ULK2: variants seen among roughly 807,000 people sequenced by gnomAD.
ULK2 encodes the protein unc-51 like autophagy activating kinase 2.
A neutral mutation model predicts 127.5 loss-of-function variants in ULK2; 76 were observed. The observed-to-expected ratio is 0.60, with a 90% CI of 0.50 to 0.72. ULK2 has a LOEUF of 0.72. ULK2 is among the 30% of genes least tolerant of loss of function. ULK2 has a pLI of 0.00. For synonymous variants in ULK2, 452 were observed against 461.9 expected (o/e 0.98, Z 0.28); for missense variants, 1,144 against 1,295.9 (o/e 0.88, Z 1.80).
intron 25 of ULK2, among the ~76,000 whole-genome samples, chr17:19,779,283 C>T (rs1178173751): frequency 1.3e-5 from 2 of 152,068 alleles, no homozygotes; most frequent in Non-Finnish European, 2.9e-5. Context: ...ATAATCCCAG[C>T]ACTTTGGGAG....
intron 13 of ULK2, 35 bp downstream of exon 13, chr17:19,816,714 G>C: frequency 6.7e-7 from 1 of 1,493,056 alleles, no homozygotes. Flanking sequence ...AGTAGATTAA[G>C]AAATACAATG....
At chr17:19,822,022 T>A (rs1195563827) in intron 12 of ULK2, among the ~76,000 whole-genome samples, 5 of 149,240 alleles carry the variant, frequency 3.4e-5, no homozygotes, top group Non-Finnish European at 5.9e-5. Flanking sequence ...TGAGAGAAAG[T>A]CACAAAGTCT....
rs571920214 is a variant in ULK2 at position 19,867,471 on chromosome 17, G to A, written c.-54C>T. On this transcript the variant is annotated 5_prime_UTR_variant, in exon 1 of 27. Transcript: ENST00000395544. Reference sequence around the variant, plus strand: ...GGGCGGGCGGCGCAGTGCGGCGCAGGTATCAGCACCGCGGCTCCGCGGGCC... The same window carrying A: ...GGGCGGGCGGCGCAGTGCGGCGCAGATATCAGCACCGCGGCTCCGCGGGCC... The A allele has an allele frequency of 1.3e-5, 19 of 1,449,816 alleles. No homozygotes were observed. Among genetic ancestry groups the A allele is most frequent in the Middle Eastern group, 1.8e-4 (1 of 5,638 alleles). 89.8% of individuals were successfully genotyped at this position (1,449,816 alleles called of 1,614,324 possible).
rs1038601689 is a variant in ULK2 at position 19,846,731 on chromosome 17, A to G, written c.469+6T>C. Reference sequence around the variant, plus strand: ...CCTTTCCATGACACAATACATGGCCATTTACCTATTTTGATGCGAATACCA... The same window carrying G: ...CCTTTCCATGACACAATACATGGCCGTTTACCTATTTTGATGCGAATACCA... On this transcript the variant is annotated splice_donor_region_variant and intron_variant, in intron 6 of 26. Coordinates refer to ENST00000395544, the MANE Select transcript of ULK2 (RefSeq NM_014683.4). 1 of 1,597,344 alleles carries G rather than the reference A, an allele frequency of 6.3e-7. No individual in the cohort carries two copies. The highest frequency in any genetic ancestry group is 8.5e-7 in the Non-Finnish European group (1 of 1,171,976).
rs199643904 is a variant in ULK2 at position 19,797,506 on chromosome 17, G to A, written c.1699C>T (p.Arg567Trp). Residue 567 changes from arginine (R) to tryptophan (W), a missense_variant, in exon 18 of 27, where the codon CGG becomes TGG. By Grantham distance (101) the Arg-to-Trp change is moderately radical. This residue lies in a region of ULK2 where 913 missense variants were observed against 970.5 expected (regional missense o/e 0.94). Coordinates refer to ENST00000395544, the MANE Select transcript of ULK2 (RefSeq NM_014683.4). ...AGYSYSPQPS[R>W]PGSLGTSPTK... ...GGAGAAGTTCCAAGGCTGCCAGGCC[G>A]ACTGGGCTGAGGCGAGTAGCTGTAC... 2.3e-5 allele frequency: 37 copies of A among 1,613,922 alleles called. No homozygotes were observed. Among genetic ancestry groups the A allele is most frequent in the African/African-American group, 1.1e-4 (8 of 74,988 alleles).
At chr17:19,789,019 C>T (rs1402687122) in intron 20 of ULK2, among the ~76,000 whole-genome samples, 1 of 152,210 alleles carries the variant, frequency 6.6e-6, no homozygotes, top group Non-Finnish European at 1.5e-5. Flanking sequence ...GTACTTGTTG[C>T]CCTGAAAGGA....
chr17:19,810,257 A>C lies in ULK2; in HGVS notation c.1157+121T>G, dbSNP rs1047135153. 4.9e-5 allele frequency: 20 copies of C among 406,234 alleles called. 1 individual carries two copies. Among genetic ancestry groups the C allele is most frequent in the Middle Eastern group, 6.6e-4 (1 of 1,524 alleles). The allele number at this position is 406,234 out of a possible 1,614,324, so 25.2% of individuals were successfully genotyped here. Reference sequence around the variant, plus strand: ...AAAAAAAAAAAAAAAAAAAAAAAAAACCAGAAATAATGGACTGTAAAACAA... The same window carrying C: ...AAAAAAAAAAAAAAAAAAAAAAAAACCCAGAAATAATGGACTGTAAAACAA... On this transcript the variant is annotated intron_variant, in intron 14 of 26. Coordinates refer to ENST00000395544, the MANE Select transcript of ULK2 (RefSeq NM_014683.4).
chr17:19,791,339 C>A (rs2087148088), intron 20 of ULK2, among the ~76,000 whole-genome samples: 1 of 151,950 alleles, frequency 6.6e-6, no homozygotes, highest in South Asian at 2.1e-4. Context: ...CACTTGAGGC[C>A]AGGAGTTCGA....
chr17:19,786,989 T>C (rs2087047132), intron 20 of ULK2, among the ~76,000 whole-genome samples: 1 of 140,890 alleles, frequency 7.1e-6, no homozygotes, highest in Non-Finnish European at 1.5e-5. Context: ...AGAAATGTAA[T>C]GTTCATTTAT....
Position 19,776,411 on chromosome 17 carries a change from GAAATA to G in ULK2, c.3053-9_3053-5del, listed in dbSNP as rs1296028303. On this transcript the variant is annotated splice_polypyrimidine_tract_variant and splice_region_variant and intron_variant, in intron 26 of 26. Transcript: ENST00000395544. ...CTTCTCTCAATACTACATTTATCTA[GAAATA>G]AAATAACAAAAATGAAGAACTAATG... is the stretch of plus-strand genomic sequence containing the variant. 1.3e-6 allele frequency: 2 copies of G among 1,584,916 alleles called. No individual in the cohort carries two copies. The highest frequency in any genetic ancestry group is 1.4e-5 in the African/African-American group (1 of 73,870).
At chr17:19,776,461 C>A in intron 26 of ULK2, 54 bp from the exon 27 acceptor site, 2 of 1,429,562 alleles carry the variant, frequency 1.4e-6, no homozygotes, top group South Asian at 2.6e-5. Flanking sequence ...ACTATATTGT[C>A]ATCTCTATTC....
chr17:19,831,027 T>A (rs1468564384), intron 10 of ULK2, among the ~76,000 whole-genome samples: 13 of 136,902 alleles, frequency 9.5e-5, no homozygotes, highest in East Asian at 2.2e-4. Flanking sequence ...ACTCCGTCGC[T>A]AAAAAAAAAA....
intron 16 of ULK2, 134 bp from the exon 17 acceptor site, chr17:19,799,709 T>C: frequency 1.3e-6 from 1 of 759,782 alleles, no homozygotes; most frequent in Non-Finnish European, 2.0e-6. Context: ...AACAAACGTT[T>C]AGTTCAACTA....
chr17:19,825,228 C>T (rs1171093088), intron 11 of ULK2, 46 bp from the exon 12 acceptor site: 1 of 1,542,464 alleles, frequency 6.5e-7, no homozygotes, highest in Non-Finnish European at 8.9e-7. Flanking sequence ...GTAGTGCAGT[C>T]ACATGACCTG....
At position 19,834,691 on chromosome 17, in the gene ULK2, C is replaced by T. The variant is rs571623353; in HGVS notation, c.787+3810G>A. 3.9e-5 allele frequency among the ~76,000 whole-genome samples: 6 copies of T among 152,114 alleles called. No homozygotes were observed. In the South Asian group the frequency reaches 1.0e-3, roughly 26 times the overall value. The stretch of plus-strand genomic sequence containing the variant: ...CTCTGGGAGGCCGAGGCAGGATGTG[C>T]GCTTGAACCCAGGAGTTGGCAACCA... On this transcript the variant is annotated intron_variant, in intron 10 of 26. Transcript: ENST00000395544.
intron 12 of ULK2, among the ~76,000 whole-genome samples, chr17:19,822,187 T>C (rs1464186911): frequency 2.0e-5 from 3 of 151,408 alleles, no homozygotes. Flanking sequence ...GTTTTCACCA[T>C]GTTGGCCAGG....
In ULK2 at chr17:19,814,438, ATTTTTTTTTTTT is replaced by A. The variant is rs1187090319; in HGVS notation, c.1096+2299_1096+2310del. 1.7e-4 allele frequency among the ~76,000 whole-genome samples: 4 copies of A among 23,334 alleles called. 1 individual carries two copies. Among genetic ancestry groups the A allele is most frequent in the African/African-American group, 7.5e-4 (4 of 5,306 alleles). The allele number at this position is 23,334 out of a possible 152,430, so 15.3% of individuals were successfully genotyped here. On this transcript the variant is annotated intron_variant, in intron 13 of 26. Transcript: ENST00000395544. The stretch of plus-strand genomic sequence containing the variant: ...TATATATATATATATATATATATAT[ATTTTTTTTTTTT>A]TTTTTTTTTTTTTGGAGACAGGGTC...
Position 19,785,936 on chromosome 17 carries a change from C to G in ULK2, c.2251+1G>C. The G allele has an allele frequency of 3.1e-6, 5 of 1,594,558 alleles. No homozygotes were observed. The highest frequency in any genetic ancestry group is 4.3e-6 in the Non-Finnish European group (5 of 1,172,194). ...ACTGTAATATAACAAATGCTCCTTACCTGAGGTTGTTCTTGTTCGAAGGAA... is the reference window on the plus strand; with the variant it reads ...ACTGTAATATAACAAATGCTCCTTAGCTGAGGTTGTTCTTGTTCGAAGGAA... On this transcript the variant is annotated splice_donor_variant, in intron 21 of 26. Transcript: ENST00000395544. LOFTEE classifies it high-confidence loss of function.
chr17:19,781,992 T>G lies in ULK2; in HGVS notation c.2536A>C (p.Met846Leu). 1.9e-6 allele frequency: 3 copies of G among 1,614,252 alleles called. No individual in the cohort carries two copies. Among genetic ancestry groups the G allele is most frequent in the Non-Finnish European group, 2.5e-6 (3 of 1,180,046 alleles). Residue 846 changes from methionine (M) to leucine (L), a missense_variant, in exon 23 of 27, where the codon ATG (methionine) becomes CTG (leucine). By Grantham distance (15) the Met-to-Leu change is conservative. Around this residue, in one of 2 missense-constraint regions of ULK2, gnomAD observed 913 missense variants for 970.5 expected, o/e 0.94. Transcript: ENST00000395544. ...FTECVLDLTA[M>L]RGGNPELCTS... ...CACAGCTCAGGGTTTCCTCCCCTCA[T>G]GGCTGTCAGGTCCAGCACACACTCA...
Sources: allele counts gnomAD v4.1 joint callset (sites outside exome capture counted in the v4.1 genomes callset), GRCh38; gene constraint gnomAD v4.1.1; regional missense constraint gnomAD v4.1.1; transcripts MANE v1.5; gene names NCBI Gene and HGNC (gene_info 2026-07-23, HGNC 2026-07-21).